Variants in TOR1A observed in about 807,000 individuals in gnomAD.
TOR1A encodes torsin-1A.
TOR1A carries 18 observed loss-of-function variants against 31.4 expected under a neutral mutation model. The ratio of observed to expected loss-of-function variants is 0.57; its 90% CI spans 0.40 to 0.85. TOR1A has a LOEUF of 0.85. TOR1A is among the 40% of genes least tolerant of loss of function. The probability of loss-of-function intolerance (pLI) is 0.00; values close to 1 mark genes in which losing one functional copy is unlikely to be tolerated. For missense variants in TOR1A, 375 were observed against 416.4 expected, an observed-to-expected ratio of 0.90 and a Z score of 0.87; for synonymous variants, 168 against 165.9, an observed-to-expected ratio of 1.01 and a Z score of -0.10.
At position 129,813,927 on chromosome 9, in the gene TOR1A, TCTTTTC is replaced by T; in HGVS notation, c.*39_*44del. The T allele has an allele frequency of 1.2e-6, 2 of 1,610,648 alleles. No homozygotes were observed. The highest frequency in any genetic ancestry group is 1.7e-6 in the Non-Finnish European group (2 of 1,179,844). The stretch of plus-strand genomic sequence containing the variant: ...AAGTGTGGAAGGACTGAGTGTTGTT[TCTTTTC>T]CAACTCCAGGCAGTGACTCCGGCTG... On this transcript the variant is annotated 3_prime_UTR_variant, in exon 5 of 5. Transcript: ENST00000351698.
At position 129,818,575 on chromosome 9, in the gene TOR1A, G is replaced by C. The variant is rs1190927554; in HGVS notation, c.693C>G (p.Ile231Met). ...FWRSGKQRED[I>M]KLKDIEHALS... ...ACGCGTGTTCAATGTCTTTGAGCTT[G>C]ATGTCTTCCCTCTGCTTTCCACTCC... The change falls in exon 4 of 5, where the codon ATC (isoleucine) becomes ATG (methionine). Residue 231 changes from isoleucine to methionine, a missense_variant. Physicochemically the swap from Ile to Met is conservative, Grantham distance 10. Transcript: ENST00000351698. The C allele has an allele frequency of 6.2e-7, 1 of 1,614,228 alleles. No homozygotes were observed. Among genetic ancestry groups the C allele is most frequent in the South Asian group, 1.1e-5 (1 of 91,082 alleles).
chr9:129,821,658 C>G (rs906150884), intron 2 of TOR1A: 4 of 151,940 alleles, frequency 2.6e-5, no homozygotes, highest in Non-Finnish European at 5.9e-5. Context: ...CTCTGGGAGG[C>G]TGAGGTAGGC....
intron 4 of TOR1A, among the ~76,000 whole-genome samples, chr9:129,817,779 T>C (rs2131003898): frequency 7.7e-6 from 1 of 130,660 alleles, no homozygotes; most frequent in South Asian, 2.3e-4. Flanking sequence ...GGCGGGAGGA[T>C]GACTTAAGTC....
At position 129,822,569 on chromosome 9, in the gene TOR1A, T is replaced by A; in HGVS notation, c.444+12A>T. On this transcript the variant is annotated intron_variant, in intron 2 of 4. Transcript: ENST00000351698. ...TGACATCCAGGAAGGGATTCCAAAC[T>A]TCCATCCTTGCCTTGTACAAGGTGA... 1 of 1,614,090 alleles carries A rather than the reference T, an allele frequency of 6.2e-7. No homozygotes were observed. The highest frequency in any genetic ancestry group is 8.5e-7 in the Non-Finnish European group (1 of 1,180,002).
chr9:129,818,594 C>T lies in TOR1A; in HGVS notation c.674G>A (p.Gly225Glu). The change falls in exon 4 of 5, where the codon GGA becomes GAA. Residue 225 changes from glycine (G) to glutamate (E), a missense_variant. Transcript: ENST00000351698. The stretch of plus-strand genomic sequence containing the variant: ...GAGCTTGATGTCTTCCCTCTGCTTT[C>T]CACTCCTCCAGAAATCCAAAGCCAC... ...TDVALDFWRS[G>E]KQREDIKLKD... The T allele has an allele frequency of 6.2e-7, 1 of 1,614,232 alleles. No homozygotes were observed. The highest frequency in any genetic ancestry group is 8.5e-7 in the Non-Finnish European group (1 of 1,180,050).
rs1464483137 is a variant in TOR1A, at chr9:129,812,963, G to C, written c.*1009C>G. 6.6e-6 allele frequency: 1 copy of C among 152,186 alleles called. No individual in the cohort carries two copies. Among genetic ancestry groups the C allele is most frequent in the East Asian group, 1.9e-4 (1 of 5,204 alleles). 9.4% of individuals were successfully genotyped at this position (152,186 alleles called of 1,614,324 possible). A position where few individuals can be genotyped will look rare whatever the true frequency, so the allele number is the denominator to read the frequency against. ...CCAATGGCACATGCAAAATTTTATTGTAAAACGGTAGCCATTTGCATTTAT... is the reference window on the plus strand; with the variant it reads ...CCAATGGCACATGCAAAATTTTATTCTAAAACGGTAGCCATTTGCATTTAT... On this transcript the variant is annotated 3_prime_UTR_variant, in exon 5 of 5. Coordinates refer to ENST00000351698, the MANE Select transcript of TOR1A (RefSeq NM_000113.3).
At chr9:129,818,705 G>C (rs773702160) in intron 3 of TOR1A, 40 bp downstream of exon 3, 64 of 1,613,798 alleles carry the variant, frequency 4.0e-5, no homozygotes, top group Non-Finnish European at 5.0e-5. Flanking sequence ...CAGAGGCTTG[G>C]GCTCGGGGCC....
At chr9:129,816,347 T>C (rs1049332972) in intron 4 of TOR1A, among the ~76,000 whole-genome samples, 3 of 152,108 alleles carry the variant, frequency 2.0e-5, no homozygotes, top group African/African-American at 4.8e-5. Context: ...TTCTTGATTT[T>C]TTTCCCCTAC....
intron 4 of TOR1A, among the ~76,000 whole-genome samples, chr9:129,815,094 C>T (rs2031002542): frequency 6.6e-6 from 1 of 152,242 alleles, no homozygotes. Flanking sequence ...CACACTGCGT[C>T]GCCCACGAGC....
At chr9:129,819,129 G>A (rs2031117205) in intron 2 of TOR1A, among the ~76,000 whole-genome samples, 1 of 152,188 alleles carries the variant, frequency 6.6e-6, no homozygotes, top group South Asian at 2.1e-4. Flanking sequence ...CTGAGGCACA[G>A]AGAGCGCTTA....
In TOR1A at chr9:129,814,037, TCTC is replaced by T. The variant is rs1564182004; in HGVS notation, c.931_933del (p.Glu311del). On this transcript the variant is annotated inframe_deletion, in exon 5 of 5. Transcript: ENST00000351698. Reference sequence around the variant, plus strand: ...TTGCAGCCTTTATCTGAGAAAACTCTCTCCTCTTTGGGGAAAAATGTCATCTCC... The same window carrying T: ...TTGCAGCCTTTATCTGAGAAAACTCTCTCTTTGGGGAAAAATGTCATCTCC... 6.2e-7 allele frequency: 1 copy of T among 1,614,164 alleles called. No homozygotes were observed.
intron 2 of TOR1A, chr9:129,821,336 T>A (rs1301803487): frequency 3.9e-5 from 6 of 152,212 alleles, no homozygotes; most frequent in South Asian, 2.1e-4. Context: ...AAATAAATAA[T>A]TGACTGTTTT....
rs1448879283 is a variant in TOR1A, at chr9:129,813,699, T to G, written c.*273A>C. 5.6e-6 allele frequency: 3 copies of G among 537,236 alleles called. No homozygotes were observed. The highest frequency in any genetic ancestry group is 1.0e-5 in the Non-Finnish European group (3 of 299,664). The allele number at this position is 537,236 out of a possible 1,614,324, so 33.3% of individuals were successfully genotyped here. On this transcript the variant is annotated 3_prime_UTR_variant, in exon 5 of 5. Coordinates refer to ENST00000351698, the MANE Select transcript of TOR1A (RefSeq NM_000113.3). ...ACACTTGGAATTAAAACATAATTTG[T>G]AAAAAATCATGAGCCCTGCGATGAG...
intron 4 of TOR1A, among the ~76,000 whole-genome samples, chr9:129,817,542 A>T (rs1007357719): frequency 1.3e-5 from 2 of 152,004 alleles, no homozygotes; most frequent in African/African-American, 4.8e-5. Flanking sequence ...TACTAAAAAT[A>T]CAAAAAATTT....
In TOR1A at chr9:129,812,942, T is replaced by C. The variant is rs150005308; in HGVS notation, c.*1030A>G. 2.6e-5 allele frequency: 4 copies of C among 152,332 alleles called. No individual in the cohort carries two copies. The highest frequency in any genetic ancestry group is 5.9e-5 in the Non-Finnish European group (4 of 68,036). The allele number at this position is 152,332 out of a possible 1,614,324, so 9.4% of individuals were successfully genotyped here. A position where few individuals can be genotyped will look rare whatever the true frequency, so the allele number is the denominator to read the frequency against. On this transcript the variant is annotated 3_prime_UTR_variant, in exon 5 of 5. Transcript: ENST00000351698. Reference sequence around the variant, plus strand: ...CCCTCTTCAAAAACGTACTCACCAATGGCACATGCAAAATTTTATTGTAAA... The same window carrying C: ...CCCTCTTCAAAAACGTACTCACCAACGGCACATGCAAAATTTTATTGTAAA...
At chr9:129,815,721 C>A (rs1427400772) in intron 4 of TOR1A, among the ~76,000 whole-genome samples, 1 of 152,228 alleles carries the variant, frequency 6.6e-6, no homozygotes, top group African/African-American at 2.4e-5. Flanking sequence ...GATGCCATTG[C>A]CCACTGAGCT....
chr9:129,815,656 T>G (rs1202750772), intron 4 of TOR1A, among the ~76,000 whole-genome samples: 1 of 152,190 alleles, frequency 6.6e-6, no homozygotes, highest in African/African-American at 2.4e-5. Flanking sequence ...CTCCCAAGTT[T>G]GCCCTCCTGG....
chr9:129,821,532 T>C (rs2031183983), intron 2 of TOR1A: 1 of 151,836 alleles, frequency 6.6e-6, no homozygotes, highest in Non-Finnish European at 1.5e-5. Context: ...GCTGGGAGAG[T>C]GTTAGGACTC....
intron 4 of TOR1A, among the ~76,000 whole-genome samples, chr9:129,816,961 C>T (rs756868323): frequency 2.6e-5 from 4 of 152,152 alleles, no homozygotes; most frequent in African/African-American, 7.2e-5. Flanking sequence ...GAACCTGAAG[C>T]GCAAAGACTT....
Sources: allele counts gnomAD v4.1 joint callset (sites outside exome capture counted in the v4.1 genomes callset), GRCh38; gene constraint gnomAD v4.1.1; transcripts MANE v1.5; gene names NCBI Gene and HGNC (gene_info 2026-07-23, HGNC 2026-07-21).